TBC1D10A: variants seen among roughly 807,000 people sequenced by gnomAD.
TBC1D10A encodes TBC1 domain family member 10A, also known as EBP50-PDX interactor of 64 kDa.
In TBC1D10A, 24 loss-of-function variants were observed where a neutral mutation model predicts 52.9. That is an observed-to-expected ratio of 0.45 (90% CI 0.33 to 0.64). The LOEUF is 0.64. TBC1D10A is among the 30% of genes least tolerant of loss of function. The probability of loss-of-function intolerance (pLI) is 0.02; values close to 1 mark genes in which losing one functional copy is unlikely to be tolerated. For synonymous variants in TBC1D10A, 278 were observed against 282.9 expected, an observed-to-expected ratio of 0.98 and a Z score of 0.17; for missense variants, 602 against 687.9, an observed-to-expected ratio of 0.88 and a Z score of 1.40.
chr22:30,326,237 G>C (rs1386031321), intron 1 of TBC1D10A, among the ~76,000 whole-genome samples: 1 of 150,980 alleles, frequency 6.6e-6, no homozygotes, highest in Non-Finnish European at 1.5e-5. Context: ...GGCGTCTGTG[G>C]GTTTGTGGGA....
chr22:30,326,674 C>A lies in TBC1D10A; in HGVS notation c.208G>T (p.Ala70Ser). Reference protein sequence around the residue: ...FIVGSQGAEGALEEVPLEVLR... With the variant: ...FIVGSQGAEGSLEEVPLEVLR... Reference sequence around the variant, plus strand: ...GTCCCGACCCCCGGCGCTACTCACGCGCCCTCGGCGCCCTGCGAGCCCACG... The same window carrying A: ...GTCCCGACCCCCGGCGCTACTCACGAGCCCTCGGCGCCCTGCGAGCCCACG... Residue 70 changes from alanine to serine, a missense_variant and splice_region_variant, in exon 1 of 9, where the codon GCG (alanine) becomes TCG (serine). By Grantham distance (99) the Ala-to-Ser change is moderately conservative (BLOSUM62 1). Around this residue, in one of 3 missense-constraint regions of TBC1D10A, gnomAD observed 201 missense variants for 204.4 expected, o/e 0.98. Coordinates refer to ENST00000215790, the MANE Select transcript of TBC1D10A (RefSeq NM_031937.3). 3 of 1,550,284 alleles carry A rather than the reference C, an allele frequency of 1.9e-6. No individual in the cohort carries two copies. Among genetic ancestry groups the A allele is most frequent in the Non-Finnish European group, 2.6e-6 (3 of 1,148,654 alleles).
chr22:30,313,078 T>C (rs958095349), intron 1 of TBC1D10A, among the ~76,000 whole-genome samples: 2 of 151,800 alleles, frequency 1.3e-5, no homozygotes, highest in Admixed American at 6.6e-5. Context: ...GTTTGAAGGG[T>C]GACAGGAAGT....
At chr22:30,315,550 A>AC (rs1930518429) in intron 1 of TBC1D10A, among the ~76,000 whole-genome samples, 2 of 152,198 alleles carry the variant, frequency 1.3e-5, no homozygotes, top group African/African-American at 4.8e-5. Flanking sequence ...GGCATGAGCC[A>AC]CAGTGCCCAG....
chr22:30,293,951 G>A lies in TBC1D10A; in HGVS notation c.865C>T (p.Leu289=). 1.2e-6 allele frequency: 2 copies of A among 1,614,076 alleles called. No homozygotes were observed. Among genetic ancestry groups the A allele is most frequent in the Non-Finnish European group, 8.5e-7 (1 of 1,179,946 alleles). Reference sequence around the variant, plus strand: ...CAGAAGAACATGTCCCAGACACGCAGCACAGAGCTCCAGGGCAAGGTTCGG... The same window carrying A: ...CAGAAGAACATGTCCCAGACACGCAACACAGAGCTCCAGGGCAAGGTTCGG... ...FSRTLPWSSV[L]RVWDMFFCEG... is the part of the protein sequence containing the mutation. Residue 289 remains leucine (L), a synonymous_variant, in exon 7 of 9, where the codon CTG becomes TTG. Transcript: ENST00000215790.
intron 1 of TBC1D10A, among the ~76,000 whole-genome samples, chr22:30,317,387 C>T (rs1371049919): frequency 2.0e-5 from 3 of 151,958 alleles, no homozygotes; most frequent in Non-Finnish European, 2.9e-5. Context: ...CTCCAGCCTG[C>T]GCAAAAGAGC....
chr22:30,295,121 G>GT (rs1930049320), intron 4 of TBC1D10A, 66 bp from the exon 5 acceptor site: 11 of 1,505,866 alleles, frequency 7.3e-6, no homozygotes, highest in Non-Finnish European at 9.1e-6. Context: ...CTTCACCTAT[G>GT]CCCCAGTGGA....
chr22:30,304,435 A>C, intron 2 of TBC1D10A, 96 bp downstream of exon 2: 1 of 1,566,000 alleles, frequency 6.4e-7, no homozygotes, highest in South Asian at 1.2e-5. Flanking sequence ...CAGTTATAGA[A>C]GCCTCTGCTT....
intron 1 of TBC1D10A, among the ~76,000 whole-genome samples, chr22:30,312,021 G>C (rs1389659318): frequency 6.6e-6 from 1 of 152,142 alleles, no homozygotes; most frequent in Non-Finnish European, 1.5e-5. Context: ...TCAAACTCCT[G>C]GGCTCAAGTG....
chr22:30,317,337 G>T (rs1930560424), intron 1 of TBC1D10A, among the ~76,000 whole-genome samples: 1 of 152,198 alleles, frequency 6.6e-6, no homozygotes, highest in Non-Finnish European at 1.5e-5. Context: ...GAACCGGAAG[G>T]CAGAGGTTGC....
intron 5 of TBC1D10A, 23 bp from the exon 6 acceptor site, chr22:30,294,884 G>A: frequency 6.2e-7 from 1 of 1,614,102 alleles, no homozygotes; most frequent in South Asian, 1.1e-5. Flanking sequence ...GAGATGTGAG[G>A]CCTTGCCGTT....
chr22:30,326,692 A>C lies in TBC1D10A; in HGVS notation c.190T>G (p.Ser64Ala). ...RIDKFGFIVG[S>A]QGAEGALEEV... ...ACTCACGCGCCCTCGGCGCCCTGCGAGCCCACGATGAAGCCGAACTTGTCG... is the reference window on the plus strand; with the variant it reads ...ACTCACGCGCCCTCGGCGCCCTGCGCGCCCACGATGAAGCCGAACTTGTCG... The change falls in exon 1 of 9, where the codon TCG becomes GCG. Residue 64 changes from serine (S) to alanine (A), a missense_variant. Transcript: ENST00000215790. 2 of 1,550,140 alleles carry C rather than the reference A, an allele frequency of 1.3e-6. No homozygotes were observed. The highest frequency in any genetic ancestry group is 1.7e-6 in the Non-Finnish European group (2 of 1,147,430).
chr22:30,292,602 CCTT>C lies in TBC1D10A; in HGVS notation c.1297_1299del (p.Lys433del), dbSNP rs759629510. 1.2e-6 allele frequency: 2 copies of C among 1,613,728 alleles called. No homozygotes were observed. Among genetic ancestry groups the C allele is most frequent in the Non-Finnish European group, 8.5e-7 (1 of 1,179,870 alleles). Reference sequence around the variant, plus strand: ...CTCCCCTTCATCTGTTTCCGCTGCTCCTTCTGGGCCTGCTTGGGTGGCTTGGGC... The same window carrying C: ...CTCCCCTTCATCTGTTTCCGCTGCTCCTGGGCCTGCTTGGGTGGCTTGGGC... On this transcript the variant is annotated inframe_deletion, in exon 9 of 9. Coordinates refer to ENST00000215790, the MANE Select transcript of TBC1D10A (RefSeq NM_031937.3).
intron 1 of TBC1D10A, 64 bp downstream of exon 1, chr22:30,326,609 T>C: frequency 6.7e-7 from 1 of 1,491,606 alleles, no homozygotes; most frequent in Non-Finnish European, 9.0e-7. Flanking sequence ...CGAGGGCGCC[T>C]CCGTCCGTGT....
At chr22:30,294,131 C>G (rs367608149) in intron 6 of TBC1D10A, 21 bp from the exon 7 acceptor site, 1 of 1,609,898 alleles carries the variant, frequency 6.2e-7, no homozygotes, top group Admixed American at 1.7e-5. Flanking sequence ...ATCGAGGCCA[C>G]GGGACCATGA....
At chr22:30,310,448 A>G (rs1395235960) in intron 1 of TBC1D10A, among the ~76,000 whole-genome samples, 1 of 152,122 alleles carries the variant, frequency 6.6e-6, no homozygotes, top group African/African-American at 2.4e-5. Context: ...AGATTACTTA[A>G]TTTGCTCAAT....
In TBC1D10A at chr22:30,292,775, C is replaced by T; in HGVS notation, c.1127G>A (p.Arg376Gln). The change falls in exon 9 of 9, where the codon CGG becomes CAG. Residue 376 changes from arginine (R) to glutamine (Q), a missense_variant. Transcript: ENST00000215790. ...LIQLRRWQET[R>Q]GELQCRSPPR... ...CGGGGAGCGGCACTGCAGCTCACCC[C>T]GGGTCTCCTGCCAGCGCCGCAGCTG... 3.7e-6 allele frequency: 6 copies of T among 1,611,992 alleles called. No individual in the cohort carries two copies. Among genetic ancestry groups the T allele is most frequent in the Non-Finnish European group, 5.1e-6 (6 of 1,179,886 alleles).
At chr22:30,296,501 GCA>G (rs1248376677) in intron 3 of TBC1D10A, 1 of 151,724 alleles carries the variant, frequency 6.6e-6, no homozygotes, top group African/African-American at 2.4e-5. Context: ...TGTGAGATCT[GCA>G]CAGAGCTCTT....
intron 1 of TBC1D10A, among the ~76,000 whole-genome samples, chr22:30,324,912 T>C (rs1036492629): frequency 1.3e-5 from 2 of 152,204 alleles, no homozygotes; most frequent in Middle Eastern, 3.2e-3. Context: ...ATCTGGTTGA[T>C]TGCCTGATAA....
intron 1 of TBC1D10A, among the ~76,000 whole-genome samples, chr22:30,319,157 C>T: frequency 6.6e-6 from 1 of 152,206 alleles, no homozygotes; most frequent in East Asian, 1.9e-4. Context: ...CAATGGACTG[C>T]CCTGCTTTGC....
Sources: allele counts gnomAD v4.1 joint callset (sites outside exome capture counted in the v4.1 genomes callset), GRCh38; gene constraint gnomAD v4.1.1; regional missense constraint gnomAD v4.1.1; transcripts MANE v1.5; gene names NCBI Gene and HGNC (gene_info 2026-07-23, HGNC 2026-07-21).